RAVER2: variants seen among roughly 807,000 people sequenced by gnomAD.
The protein encoded by RAVER2 is ribonucleoprotein, PTB binding 2, also known as ribonucleoprotein PTB-binding 2.
A neutral mutation model predicts 78.1 loss-of-function variants in RAVER2; 46 were observed. The ratio of observed to expected loss-of-function variants is 0.59; its 90% CI spans 0.46 to 0.75. The LOEUF is 0.75. RAVER2 is among the 30% of genes least tolerant of loss of function. The pLI is 0.00. For missense variants in RAVER2, 793 were observed against 837.5 expected (o/e 0.95, Z 0.66); for synonymous variants, 311 against 313.3 (o/e 0.99, Z 0.08).
At chr1:64,781,555 T>C (rs1557592096) in exon 4 of RAVER2, 3 of 1,612,786 alleles carry the variant, frequency 1.9e-6, no homozygotes, top group Non-Finnish European at 2.5e-6. Context: ...GCAGCATTGA[T>C]AGCGGCTCAA....
Position 64,745,639 on chromosome 1 carries a change from C to T in RAVER2, c.249+218C>T, listed in dbSNP as rs997211953. ...ATTGGGAAACTGAGGCTCTGAGTGGCGAAGCGGCTTCTCCAAGGTCACGGG... is the reference window on the plus strand; with the variant it reads ...ATTGGGAAACTGAGGCTCTGAGTGGTGAAGCGGCTTCTCCAAGGTCACGGG... On this transcript the variant is annotated intron_variant, in intron 1 of 11. Coordinates refer to ENST00000294428, the Ensembl canonical transcript of RAVER2. This position sits in a 1 kb window ranked among gnomAD's most constrained non-coding sequence, Gnocchi z 4.3. Among the ~76,000 whole-genome samples, 1 of 152,092 alleles carries T rather than the reference C, an allele frequency of 6.6e-6. No homozygotes were observed. The highest frequency in any genetic ancestry group is 2.1e-4 in the South Asian group (1 of 4,828).
Position 64,745,338 on chromosome 1 carries a change from G to A in RAVER2, c.166G>A (p.Ala56Thr), listed in dbSNP as rs1158998926. 2 of 1,539,898 alleles carry A rather than the reference G, an allele frequency of 1.3e-6. No individual in the cohort carries two copies. The highest frequency in any genetic ancestry group is 1.8e-6 in the Non-Finnish European group (2 of 1,142,186). ...CGCGCTGCACCCTGAGGAGGTCGCCGCGCGACTGCAGCGGATGCAGCGGGA... is the reference window on the plus strand; with the variant it reads ...CGCGCTGCACCCTGAGGAGGTCGCCACGCGACTGCAGCGGATGCAGCGGGA... The change falls in exon 1 of 12, where the codon GCG becomes ACG. Residue 56 changes from alanine (A) to threonine (T), a missense_variant. Ala to Thr is a moderately conservative substitution (Grantham distance 58). Transcript: ENST00000294428. The surrounding 1 kb of genome is among the most constrained non-coding windows in gnomAD (Gnocchi z 4.3).
chr1:64,831,023 C>A, exon 12 of RAVER2: 1 of 1,589,400 alleles, frequency 6.3e-7, no homozygotes, highest in Non-Finnish European at 8.6e-7. Context: ...AGGTTCTCTG[C>A]AGTATCTCTG....
At chr1:64,763,744 A>G (rs1310682654) in intron 1 of RAVER2, among the ~76,000 whole-genome samples, 1 of 152,042 alleles carries the variant, frequency 6.6e-6, no homozygotes, top group Non-Finnish European at 1.5e-5. Context: ...TCTACTAAAA[A>G]AAACAAAAAT....
chr1:64,791,439 G>A (rs1235210315), intron 5 of RAVER2, among the ~76,000 whole-genome samples: 1 of 152,106 alleles, frequency 6.6e-6, no homozygotes, highest in African/African-American at 2.4e-5. Context: ...AGCTATCTAT[G>A]TGTCCATAAT....
At chr1:64,768,583 T>C in intron 1 of RAVER2, 73 bp from the exon 2 acceptor site, 2 of 888,110 alleles carry the variant, frequency 2.3e-6, no homozygotes, top group Admixed American at 4.2e-5. Context: ...GTGGTGGTGG[T>C]AGGCTAATAG....
At chr1:64,831,010 C>T in exon 12 of RAVER2, 2 of 1,604,620 alleles carry the variant, frequency 1.2e-6, no homozygotes, top group Admixed American at 1.7e-5. Flanking sequence ...TAATAACCCC[C>T]TAAGGTTCTC....
intron 5 of RAVER2, among the ~76,000 whole-genome samples, chr1:64,799,646 G>A (rs1653204178): frequency 6.6e-6 from 1 of 151,982 alleles, no homozygotes. Context: ...TCGCCATGTT[G>A]GCCAGGCTGA....
intron 5 of RAVER2, among the ~76,000 whole-genome samples, chr1:64,799,325 G>C (rs1653193194): frequency 6.6e-6 from 1 of 152,118 alleles, no homozygotes; most frequent in South Asian, 2.1e-4. Flanking sequence ...CCATTCATCT[G>C]TTGGTGGACA....
At chr1:64,784,214 T>G (rs1383849586) in intron 4 of RAVER2, among the ~76,000 whole-genome samples, 1 of 152,072 alleles carries the variant, frequency 6.6e-6, no homozygotes, top group Non-Finnish European at 1.5e-5. Flanking sequence ...TGAAGCCCTG[T>G]CTCTACAAAA....
intron 4 of RAVER2, among the ~76,000 whole-genome samples, chr1:64,782,888 A>AC (rs989358461): frequency 6.6e-6 from 1 of 151,812 alleles, no homozygotes; most frequent in African/African-American, 2.4e-5. Context: ...CCAGCCCCCT[A>AC]CCCCGCGACA....
chr1:64,795,967 A>G (rs963230615), intron 5 of RAVER2, among the ~76,000 whole-genome samples: 1 of 151,964 alleles, frequency 6.6e-6, no homozygotes, highest in Non-Finnish European at 1.5e-5. Context: ...TGCGGAATTT[A>G]CCATCTATTT....
chr1:64,816,332 A>G (rs1570580837), intron 11 of RAVER2: 1 of 152,116 alleles, frequency 6.6e-6, no homozygotes, highest in East Asian at 1.9e-4. Context: ...TATGGTGGGG[A>G]AATGAATCCT....
intron 11 of RAVER2, among the ~76,000 whole-genome samples, chr1:64,830,591 A>G (rs1225527504): frequency 1.3e-5 from 2 of 152,134 alleles, no homozygotes; most frequent in African/African-American, 2.4e-5. Context: ...TCTTTTCCCA[A>G]AAAGTTGGGG....
chr1:64,760,784 C>A (rs1323006644), intron 1 of RAVER2, among the ~76,000 whole-genome samples: 3 of 150,840 alleles, frequency 2.0e-5, no homozygotes, highest in Non-Finnish European at 4.4e-5. Context: ...AAATGTTGTT[C>A]TTGGCCCCAA....
intron 6 of RAVER2, among the ~76,000 whole-genome samples, chr1:64,804,447 GAATA>G (rs753791640): frequency 3.6e-4 from 55 of 152,106 alleles, no homozygotes; most frequent in Admixed American, 6.5e-4. Flanking sequence ...ATGATTAAAT[GAATA>G]AATAAATGAA....
intron 11 of RAVER2, 44 bp from the exon 12 acceptor site, chr1:64,830,795 C>A: frequency 2.7e-6 from 4 of 1,501,508 alleles, no homozygotes; most frequent in South Asian, 1.2e-5. Context: ...ATGAATAAGC[C>A]AACTTTAGAT....
At chr1:64,801,717 A>C (rs1194471666) in intron 5 of RAVER2, among the ~76,000 whole-genome samples, 2 of 152,112 alleles carry the variant, frequency 1.3e-5, no homozygotes, top group Non-Finnish European at 2.9e-5. Flanking sequence ...AAATACAAAA[A>C]TTAGCTGAGC....
intron 11 of RAVER2, among the ~76,000 whole-genome samples, chr1:64,817,032 A>G (rs777215112): frequency 6.6e-5 from 10 of 152,256 alleles, no homozygotes; most frequent in Non-Finnish European, 1.5e-4. Context: ...CCCAGAATCT[A>G]CAAAGAACTC....
Sources: gnomAD v4.1 joint callset for allele counts (sites outside exome capture counted in the v4.1 genomes callset) on GRCh38, gnomAD v4.1.1 for gene constraint, Gnocchi (gnomAD v3.1) non-coding constraint, MANE v1.5 for transcripts, NCBI Gene and HGNC (gene_info 2026-07-23, HGNC 2026-07-21) for gene names.